Variants in MARCHF8 observed in about 807,000 individuals in gnomAD.
MARCHF8 encodes the protein membrane associated ring-CH-type finger 8.
A neutral mutation model predicts 51.6 loss-of-function variants in MARCHF8; 40 were observed. The observed-to-expected ratio is 0.77, with a 90% confidence interval of 0.60 to 1.01. MARCHF8 has a LOEUF of 1.01. Ranked by LOEUF, MARCHF8 falls within the 50% of genes least tolerant of loss-of-function variation. MARCHF8 has a pLI of 0.00. For missense variants in MARCHF8, 685 were observed against 708.6 expected (o/e 0.97, Z 0.38); for synonymous variants, 263 against 280.3 (o/e 0.94, Z 0.62).
At chr10:45,512,313 G>A (rs1188153738) in intron 2 of MARCHF8, among the ~76,000 whole-genome samples, 162 of 150,422 alleles carry the variant, frequency 1.1e-3, no homozygotes, top group African/African-American at 3.7e-3. Flanking sequence ...AGTGAGGAGC[G>A]TCTCCGCCCG....
At chr10:45,473,188 A>G (rs1171034633) in intron 3 of MARCHF8, among the ~76,000 whole-genome samples, 1 of 152,214 alleles carries the variant, frequency 6.6e-6, no homozygotes, top group Non-Finnish European at 1.5e-5. Flanking sequence ...GGCAACAATA[A>G]CCGGAAAATA....
chr10:45,475,433 G>C (rs772288604), intron 3 of MARCHF8, among the ~76,000 whole-genome samples: 18 of 152,136 alleles, frequency 1.2e-4, no homozygotes, highest in Non-Finnish European at 1.3e-4. Flanking sequence ...GTCCTACCCA[G>C]TTCCTGAGTA....
intron 3 of MARCHF8, among the ~76,000 whole-genome samples, chr10:45,464,725 CCCAAGATCAACAAG>C (rs1414575745): frequency 6.6e-6 from 1 of 152,188 alleles, no homozygotes; most frequent in African/African-American, 2.4e-5. Context: ...TCTCCTAGTT[CCCAAGATCAACAAG>C]GCTGGTAGAT....
chr10:45,463,365 A>G lies in MARCHF8; in HGVS notation c.874T>C (p.Ser292Pro). ...SCAARLHTAK[S>P]SSGLAGSMGF... ...ATACTCCCTGCCAGCCCGCTGGAGG[A>G]CTTGGCAGTGTGCAGGCGAGCAGCG... Residue 292 changes from serine to proline, a missense_variant, in exon 5 of 8, where the codon TCC becomes CCC. Physicochemically the swap from Ser to Pro is moderately conservative, Grantham distance 74. Coordinates refer to ENST00000453424, the MANE Select transcript of MARCHF8 (RefSeq NM_001282866.2). The G allele has an allele frequency of 6.4e-7, 1 of 1,550,752 alleles. No homozygotes were observed.
Position 45,563,816 on chromosome 10 carries a change from CA to C in MARCHF8, c.-79+30418del, listed in dbSNP as rs371834366. Among the ~76,000 whole-genome samples the C allele has an allele frequency of 3.8e-3, 576 of 152,148 alleles. 3 individuals carry two copies. Among genetic ancestry groups the C allele is most frequent in the African/African-American group, 0.013 (552 of 41,510 alleles). On this transcript the variant is annotated intron_variant, in intron 1 of 6. Coordinates refer to the MARCHF8 transcript ENST00000319836. ...CATAAGACATACCCAATGAATAGCA[CA>C]AAAAGTTTAAAGTGAGGACTAAAAA...
rs2132885991 is a variant in MARCHF8, at chr10:45,455,186, A to G, written c.*3053T>C. The G allele has an allele frequency of 6.6e-6, 1 of 152,346 alleles. No individual in the cohort carries two copies. Among genetic ancestry groups the G allele is most frequent in the African/African-American group, 2.4e-5 (1 of 41,566 alleles). The allele number at this position is 152,346 out of a possible 1,614,324, so 9.4% of individuals were successfully genotyped here. ...GCCTGCATGCCTGTGGCCAGGTAGG[A>G]CACATGTGCAGGTTTGAAAACTAGG... On this transcript the variant is annotated 3_prime_UTR_variant, in exon 8 of 8. Transcript: ENST00000453424.
intron 3 of MARCHF8, among the ~76,000 whole-genome samples, chr10:45,471,301 G>A (rs768673): frequency 0.062 from 9,428 of 152,234 alleles, 335 homozygotes; most frequent in Non-Finnish European, 0.067. Context: ...TGGTGGAGGG[G>A]ACAGAAGGCC....
At chr10:45,592,701 A>C (rs2044694931) in intron 1 of MARCHF8, among the ~76,000 whole-genome samples, 1 of 152,190 alleles carries the variant, frequency 6.6e-6, no homozygotes, top group Non-Finnish European at 1.5e-5. Context: ...GACAACCATT[A>C]GGGTTTCTTG....
At chr10:45,565,813 C>G (rs897429564) in intron 1 of MARCHF8, among the ~76,000 whole-genome samples, 1 of 152,170 alleles carries the variant, frequency 6.6e-6, no homozygotes, top group African/African-American at 2.4e-5. Context: ...TAAGTCCGTG[C>G]AAGCCTCTGG....
chr10:45,499,224 T>C (rs1345963196), intron 2 of MARCHF8, among the ~76,000 whole-genome samples: 2 of 152,384 alleles, frequency 1.3e-5, no homozygotes, highest in East Asian at 1.9e-4. Flanking sequence ...TCTTTTCATA[T>C]GCCTACTAGC....
At chr10:45,589,927 C>T (rs998734145) in intron 1 of MARCHF8, among the ~76,000 whole-genome samples, 3 of 152,134 alleles carry the variant, frequency 2.0e-5, no homozygotes, top group African/African-American at 7.2e-5. Flanking sequence ...TGGGTATATA[C>T]CTAGGAGTGG....
Position 45,457,177 on chromosome 10 carries a change from A to C in MARCHF8, c.*1062T>G, listed in dbSNP as rs2132895398. 6.6e-6 allele frequency: 1 copy of C among 152,372 alleles called. No homozygotes were observed. Among genetic ancestry groups the C allele is most frequent in the East Asian group, 1.9e-4 (1 of 5,192 alleles). 9.4% of individuals were successfully genotyped at this position (152,372 alleles called of 1,614,324 possible). On this transcript the variant is annotated 3_prime_UTR_variant, in exon 8 of 8. Transcript: ENST00000453424. ...CAGGGTGGCACATGGCTGCTCTTTCAATGTGAAGCCAACACCAACTGGAGA... is the reference window on the plus strand; with the variant it reads ...CAGGGTGGCACATGGCTGCTCTTTCCATGTGAAGCCAACACCAACTGGAGA...
At chr10:45,513,966 C>G (rs1184910250) in intron 2 of MARCHF8, among the ~76,000 whole-genome samples, 1 of 152,110 alleles carries the variant, frequency 6.6e-6, no homozygotes, top group Non-Finnish European at 1.5e-5. Context: ...AAATTATGAA[C>G]TCAGTTGTCT....
At chr10:45,537,652 C>CAA (rs559861085), upstream of MARCHF8, among the ~76,000 whole-genome samples, 2 of 78,128 alleles carry the variant, frequency 2.6e-5, no homozygotes, top group Admixed American at 1.5e-4. Context: ...GACCTTGTCT[C>CAA]AAAAAAAAAA....
chr10:45,542,920 G>C (rs1003138701), intron 1 of MARCHF8, among the ~76,000 whole-genome samples: 2 of 152,132 alleles, frequency 1.3e-5, no homozygotes, highest in African/African-American at 4.8e-5. Context: ...AAGAAGGCAA[G>C]AAAACTTCAC....
At chr10:45,488,050 G>T (rs1235821693) in intron 3 of MARCHF8, among the ~76,000 whole-genome samples, 1 of 152,140 alleles carries the variant, frequency 6.6e-6, no homozygotes, top group Non-Finnish European at 1.5e-5. Context: ...GCACTGCCTG[G>T]AAGCAAGCTC....
Position 45,576,242 on chromosome 10 carries a change from T to C in MARCHF8, c.-79+17993A>G, listed in dbSNP as rs189494476. Among the ~76,000 whole-genome samples, 179 of 152,308 alleles carry C rather than the reference T, an allele frequency of 1.2e-3. 1 individual carries two copies. The highest frequency in any genetic ancestry group is 3.8e-3 in the African/African-American group (159 of 41,564). ...AGTTAAATGATTTTCAGGGGAGGCA[T>C]CAAAGCAATTCAATGGGGAATTGCT... On this transcript the variant is annotated intron_variant, in intron 1 of 6. Transcript: ENST00000319836.
chr10:45,527,141 CAAGA>C (rs1671163966), intron 2 of MARCHF8, among the ~76,000 whole-genome samples: 1 of 151,794 alleles, frequency 6.6e-6, no homozygotes, highest in Non-Finnish European at 1.5e-5. Context: ...TAAATGGATT[CAAGA>C]AAGAAAAGTT....
chr10:45,496,665 A>G (rs189700599), intron 2 of MARCHF8, among the ~76,000 whole-genome samples: 21 of 152,264 alleles, frequency 1.4e-4, no homozygotes, highest in African/African-American at 4.6e-4. Context: ...ACATAAATAG[A>G]TATGTATAAA....
Sources: allele counts gnomAD v4.1 joint callset (sites outside exome capture counted in the v4.1 genomes callset), GRCh38; gene constraint gnomAD v4.1.1; transcripts MANE v1.5; gene names NCBI Gene and HGNC (gene_info 2026-07-23, HGNC 2026-07-21).